AGMO: variants seen among roughly 807,000 people sequenced by gnomAD.
The protein encoded by AGMO is alkylglycerol monooxygenase.
In AGMO, 75 loss-of-function variants were observed where a neutral mutation model predicts 60.2. The observed-to-expected ratio is 1.25, with a 90% CI of 1.03 to 1.51. The LOEUF is 1.51. Ranked by LOEUF, AGMO falls within the 40% of genes most tolerant of loss-of-function variation. The pLI is 0.00. For synonymous variants in AGMO, 261 were observed against 177.1 expected (o/e 1.47, Z -3.76); for missense variants, 763 against 525.5 (o/e 1.45, Z -4.42).
the AGMO span, among the ~76,000 whole-genome samples, chr7:15,171,654 T>G: frequency 2.0e-5 from 3 of 152,242 alleles, no homozygotes; most frequent in Non-Finnish European, 4.4e-5. Context: ...TATCTTTCCA[T>G]GTCATAAATT....
intron 10 of AGMO, among the ~76,000 whole-genome samples, chr7:15,371,550 A>G (rs116251004): frequency 0.096 from 14,548 of 151,836 alleles, 731 homozygotes; most frequent in Non-Finnish European, 0.12. Context: ...ACCACCTTAC[A>G]TACCCGACTA....
At chr7:15,270,635 T>TTTTTTTTTTTTG (rs1563063233) in intron 12 of AGMO, among the ~76,000 whole-genome samples, 4 of 116,300 alleles carry the variant, frequency 3.4e-5, no homozygotes, top group African/African-American at 1.4e-4. Context: ...TTTTTTTTTT[T>TTTTTTTTTTTTG]TTGCTGTGCA....
chr7:15,270,635 T>TTTG (rs1783576581), intron 12 of AGMO, among the ~76,000 whole-genome samples: 1 of 116,300 alleles, frequency 8.6e-6, no homozygotes, highest in African/African-American at 3.4e-5. Context: ...TTTTTTTTTT[T>TTTG]TTGCTGTGCA....
At chr7:15,355,333 TCTACTAAAAATA>T (rs1198355465) in intron 12 of AGMO, among the ~76,000 whole-genome samples, 1 of 151,748 alleles carries the variant, frequency 6.6e-6, no homozygotes, top group African/African-American at 2.4e-5. Context: ...AAACGCTGTC[TCTACTAAAAATA>T]CAAAAAAATT....
At chr7:15,377,180 G>T (rs763897942) in intron 10 of AGMO, among the ~76,000 whole-genome samples, 1 of 152,008 alleles carries the variant, frequency 6.6e-6, no homozygotes, top group South Asian at 2.1e-4. Flanking sequence ...AGGCACTATA[G>T]AATTTTGCAA....
At chr7:15,257,454 T>C (rs1320481034) in intron 12 of AGMO, among the ~76,000 whole-genome samples, 2 of 152,196 alleles carry the variant, frequency 1.3e-5, no homozygotes, top group Non-Finnish European at 2.9e-5. Context: ...TGATATTGCA[T>C]TGACATTTGG....
At chr7:15,189,519 G>C in the AGMO span, among the ~76,000 whole-genome samples, 1 of 151,978 alleles carries the variant, frequency 6.6e-6, no homozygotes, top group Non-Finnish European at 1.5e-5. Flanking sequence ...TCCAGCTTTG[G>C]AGCCAGCACA....
At chr7:15,473,406 G>A (rs78541779) in intron 3 of AGMO, among the ~76,000 whole-genome samples, 19 of 152,074 alleles carry the variant, frequency 1.2e-4, no homozygotes, top group Admixed American at 1.1e-3. Flanking sequence ...TATGAGGCCA[G>A]CATCATCCTG....
intron 12 of AGMO, among the ~76,000 whole-genome samples, chr7:15,325,703 A>G (rs1463943899): frequency 6.6e-6 from 1 of 152,184 alleles, no homozygotes; most frequent in African/African-American, 2.4e-5. Flanking sequence ...ATAGCATTGT[A>G]CCTTATCAGC....
At chr7:15,357,760 T>C (rs560181436) in intron 12 of AGMO, among the ~76,000 whole-genome samples, 3 of 152,348 alleles carry the variant, frequency 2.0e-5, no homozygotes, top group African/African-American at 7.2e-5. Flanking sequence ...CATTCGCTTT[T>C]ATCTGAGCTG....
the AGMO span, among the ~76,000 whole-genome samples, chr7:15,160,608 A>T: frequency 3.9e-5 from 6 of 152,284 alleles, no homozygotes; most frequent in South Asian, 1.2e-3. Context: ...ATATCTGAAA[A>T]TTAATAAACT....
At chr7:15,537,151 T>C (rs75342364) in intron 3 of AGMO, among the ~76,000 whole-genome samples, 2,201 of 152,226 alleles carry the variant, frequency 0.014, 56 homozygotes, top group African/African-American at 0.05. Context: ...TCACATAACC[T>C]TCCATCTTAC....
intron 3 of AGMO, among the ~76,000 whole-genome samples, chr7:15,438,709 C>A (rs1781466414): frequency 6.6e-6 from 1 of 152,056 alleles, no homozygotes; most frequent in Non-Finnish European, 1.5e-5. Flanking sequence ...CGCAAAGACA[C>A]CAGATGGAAG....
At chr7:15,381,474 G>A (rs187347335) in intron 10 of AGMO, among the ~76,000 whole-genome samples, 416 of 152,086 alleles carry the variant, frequency 2.7e-3, no homozygotes, top group Non-Finnish European at 4.8e-3. Flanking sequence ...AACCACAATG[G>A]TGTACCATCT....
At position 15,484,055 on chromosome 7, in the gene AGMO, T is replaced by C. The variant is rs76823722; in HGVS notation, c.410-52947A>G. On this transcript the variant is annotated intron_variant, in intron 3 of 12. Transcript: ENST00000342526. Reference sequence around the variant, plus strand: ...GGTGAGTATAATCCCTGCAGTAGAATTTCTGGGTCTTAGGATATACATATA... The same window carrying C: ...GGTGAGTATAATCCCTGCAGTAGAACTTCTGGGTCTTAGGATATACATATA... Among the ~76,000 whole-genome samples the C allele has an allele frequency of 7.2e-3, 1,093 of 152,222 alleles. 17 individuals are homozygous for C. Among genetic ancestry groups the C allele is most frequent in the African/African-American group, 0.025 (1,039 of 41,532 alleles).
chr7:15,284,143 T>C (rs926952259), intron 12 of AGMO, among the ~76,000 whole-genome samples: 3 of 151,862 alleles, frequency 2.0e-5, no homozygotes, highest in South Asian at 2.1e-4. Context: ...AGATCACAAA[T>C]TGACAATCTA....
intron 4 of AGMO, among the ~76,000 whole-genome samples, chr7:15,428,339 T>C (rs1288983513): frequency 6.6e-6 from 1 of 152,126 alleles, no homozygotes; most frequent in Non-Finnish European, 1.5e-5. Flanking sequence ...TTTCCCACCA[T>C]GCAAGTTCCC....
intron 3 of AGMO, among the ~76,000 whole-genome samples, chr7:15,530,515 ATATATTCTATATACGTATTTCTATAT>A (rs1784279655): frequency 2.8e-5 from 2 of 70,908 alleles, no homozygotes; most frequent in Non-Finnish European, 5.5e-5. Context: ...ATTTCTATAT[ATATATTCTATATACGTATTTCTATAT>A]ATATTCTATA....
At chr7:15,306,929 G>A (rs960935279) in intron 12 of AGMO, among the ~76,000 whole-genome samples, 4 of 151,774 alleles carry the variant, frequency 2.6e-5, no homozygotes, top group Non-Finnish European at 4.4e-5. Flanking sequence ...AAATGCATAC[G>A]TTACAATCAT....
Sources: gnomAD v4.1 joint callset for allele counts (sites outside exome capture counted in the v4.1 genomes callset) on GRCh38, gnomAD v4.1.1 for gene constraint, MANE v1.5 for transcripts, NCBI Gene and HGNC (gene_info 2026-07-23, HGNC 2026-07-21) for gene names.